Variants in PCDH11X observed in about 807,000 individuals in gnomAD.
PCDH11X encodes protocadherin 11 X-linked.
In PCDH11X, 18 loss-of-function variants were observed where a neutral mutation model predicts 53.3. The observed-to-expected ratio is 0.34, with a 90% CI of 0.23 to 0.50. The LOEUF (loss-of-function observed/expected upper bound fraction) is 0.50. Among genes scored for constraint, PCDH11X ranks in the 20% least tolerant of loss-of-function variants. The probability of loss-of-function intolerance (pLI) is 0.98; values close to 1 mark genes in which losing one functional copy is unlikely to be tolerated. For synonymous variants in PCDH11X, 279 were observed against 393.3 expected (o/e 0.71, Z 3.44); for missense variants, 570 against 1,032.4 (o/e 0.55, Z 6.14).
chrX:92,260,658 T>C (rs1175153485), intron 7 of PCDH11X, among the ~76,000 whole-genome samples: 1 of 111,647 alleles, frequency 9.0e-6, no homozygotes, highest in Non-Finnish European at 1.9e-5. Flanking sequence ...AGTGGAACTT[T>C]CTATTTCACC....
intron 1 of PCDH11X, among the ~76,000 whole-genome samples, chrX:91,799,887 G>T (rs1385592687): frequency 9.0e-6 from 1 of 111,268 alleles, no homozygotes; most frequent in Non-Finnish European, 1.9e-5. Context: ...CCAGGAGTTC[G>T]AAATCAGCCT....
intron 6 of PCDH11X, among the ~76,000 whole-genome samples, chrX:92,159,529 C>A (rs1387614756): frequency 9.3e-6 from 1 of 107,120 alleles, no homozygotes; most frequent in African/African-American, 3.4e-5. Flanking sequence ...ATAAAAAACA[C>A]AAGTGTGTGT....
intron 10 of PCDH11X, 161 bp from the exon 11 acceptor site, chrX:92,618,103 G>A (rs1035589176): frequency 2.7e-6 from 1 of 369,036 alleles, no homozygotes. Flanking sequence ...ACTTCCCTAA[G>A]AATTACTGAC....
intron 8 of PCDH11X, among the ~76,000 whole-genome samples, chrX:92,277,519 G>A (rs1392249452): frequency 9.2e-6 from 1 of 108,396 alleles, no homozygotes; most frequent in African/African-American, 3.4e-5. Flanking sequence ...TATAGCGAAG[G>A]AAGCAAGCCT....
At chrX:92,084,673 C>T (rs35886339) in intron 6 of PCDH11X, among the ~76,000 whole-genome samples, 1 of 111,422 alleles carries the variant, frequency 9.0e-6, no homozygotes, top group Non-Finnish European at 1.9e-5. Context: ...GAGTGCAGCT[C>T]GCATGTAGTA....
chrX:92,272,512 C>G (rs745808339), intron 8 of PCDH11X, among the ~76,000 whole-genome samples: 16 of 111,732 alleles, frequency 1.4e-4, no homozygotes, highest in Non-Finnish European at 2.4e-4. Context: ...ACTAATCTTC[C>G]TCATTTATTT....
At chrX:91,844,409 AT>A (rs2147640985) in intron 5 of PCDH11X, among the ~76,000 whole-genome samples, 1 of 110,320 alleles carries the variant, frequency 9.1e-6, no homozygotes, top group South Asian at 3.9e-4. Flanking sequence ...GTGGCCCTCC[AT>A]ATGACAGTGA....
intron 9 of PCDH11X, among the ~76,000 whole-genome samples, chrX:92,411,219 A>G (rs1231062340): frequency 9.1e-6 from 1 of 110,241 alleles, no homozygotes; most frequent in Non-Finnish European, 1.9e-5. Context: ...CATTAACGTT[A>G]TATTTCCCCT....
chrX:92,288,532 C>T lies in PCDH11X; in HGVS notation c.3144+25389C>T, dbSNP rs189288024. Among the ~76,000 whole-genome samples the T allele has an allele frequency of 4.9e-3, 536 of 109,781 alleles. 6 individuals are homozygous for T. The highest frequency in any genetic ancestry group is 0.017 in the African/African-American group (508 of 30,180). On this transcript the variant is annotated intron_variant, in intron 8 of 10. Coordinates refer to ENST00000682573, the MANE Select transcript of PCDH11X (RefSeq NM_032968.5). ...TACTACAGGCATGTGCCACCATGCC[C>T]GGCTAATGAATTAGTTACTTCTAAG...
Position 92,313,954 on chromosome X carries a change from C to T in PCDH11X, c.3144+50811C>T, listed in dbSNP as rs140111649. Among the ~76,000 whole-genome samples, 71 of 111,223 alleles carry T rather than the reference C, an allele frequency of 6.4e-4. No individual in the cohort carries two copies. The East Asian group carries it at 0.019, about 29-fold the overall frequency. On this transcript the variant is annotated intron_variant, in intron 8 of 10. Transcript: ENST00000682573. ...AGTGAGTGATGAACGAATGTGAAGGCCTAGGACACTACTGTACACTACTGT... is the reference window on the plus strand; with the variant it reads ...AGTGAGTGATGAACGAATGTGAAGGTCTAGGACACTACTGTACACTACTGT...
intron 6 of PCDH11X, among the ~76,000 whole-genome samples, chrX:91,924,696 G>A (rs1420249706): frequency 1.8e-5 from 2 of 111,164 alleles, no homozygotes; most frequent in South Asian, 3.7e-4. Flanking sequence ...TTTGTTTTTT[G>A]TGGGACTTTA....
chrX:92,213,235 TG>T (rs2066624187), intron 7 of PCDH11X, among the ~76,000 whole-genome samples: 1 of 112,389 alleles, frequency 8.9e-6, no homozygotes, highest in Non-Finnish European at 1.9e-5. Flanking sequence ...CCTAAGATTT[TG>T]TCATTGTCAT....
intron 8 of PCDH11X, among the ~76,000 whole-genome samples, chrX:92,279,100 CAT>C (rs1488688947): frequency 2.7e-5 from 3 of 111,938 alleles, no homozygotes; most frequent in Non-Finnish European, 5.6e-5. Flanking sequence ...CGTAAGCCAC[CAT>C]GCCCAGCCTC....
chrX:91,795,610 A>G (rs1569382716), intron 1 of PCDH11X, among the ~76,000 whole-genome samples: 1 of 111,347 alleles, frequency 9.0e-6, no homozygotes, highest in Non-Finnish European at 1.9e-5. Context: ...CTTAAATTTT[A>G]TAAAGCAATG....
At chrX:91,966,732 G>A (rs1421544538) in intron 6 of PCDH11X, among the ~76,000 whole-genome samples, 1 of 111,081 alleles carries the variant, frequency 9.0e-6, no homozygotes, top group African/African-American at 3.3e-5. Context: ...ATTTTAACGG[G>A]CACGTATTTT....
intron 9 of PCDH11X, among the ~76,000 whole-genome samples, chrX:92,449,123 A>C (rs1025945360): frequency 2.7e-5 from 3 of 112,107 alleles, no homozygotes; most frequent in African/African-American, 9.7e-5. Context: ...ATAGATCAGC[A>C]TAGGCATGCT....
chrX:91,921,979 A>G (rs187365855), intron 6 of PCDH11X, among the ~76,000 whole-genome samples: 1 of 111,316 alleles, frequency 9.0e-6, no homozygotes, highest in African/African-American at 3.3e-5. Flanking sequence ...TTTCTATCAT[A>G]TAGGAATGAC....
intron 6 of PCDH11X, among the ~76,000 whole-genome samples, chrX:92,120,191 C>G (rs1472623792): frequency 1.2e-5 from 1 of 84,828 alleles, no homozygotes; most frequent in Non-Finnish European, 2.2e-5. Context: ...GACAGAGTCT[C>G]TCTCTGTCAC....
At chrX:92,534,769 A>T (rs2074625822) in intron 10 of PCDH11X, among the ~76,000 whole-genome samples, 1 of 111,747 alleles carries the variant, frequency 8.9e-6, no homozygotes, top group African/African-American at 3.3e-5. Flanking sequence ...TAAAAAAAGA[A>T]TTTTCAACCC....
Sources: allele counts gnomAD v4.1 joint callset (sites outside exome capture counted in the v4.1 genomes callset), GRCh38; gene constraint gnomAD v4.1.1; transcripts MANE v1.5; gene names NCBI Gene and HGNC (gene_info 2026-07-23, HGNC 2026-07-21).